Variants in MRPL34 observed in about 807,000 individuals in gnomAD.
MRPL34 encodes large ribosomal subunit protein bL34m.
In MRPL34, 8 loss-of-function variants were observed where a neutral mutation model predicts 6.7. The observed-to-expected ratio is 1.20, with a 90% CI of 0.70 to 2.16. MRPL34 has a LOEUF of 2.16. Ranked by LOEUF, MRPL34 falls within the 30% of genes most tolerant of loss-of-function variation. The pLI is 0.00. For synonymous variants in MRPL34, 59 were observed against 55.1 expected, an observed-to-expected ratio of 1.07 and a Z score of -0.31; for missense variants, 146 against 125.5, an observed-to-expected ratio of 1.16 and a Z score of -0.78.
At chr19:17,305,744 C>A, upstream of MRPL34, 3 of 815,510 alleles carry the variant, frequency 3.7e-6, no homozygotes, top group Non-Finnish European at 4.1e-6. Context: ...GTTGCGCAGG[C>A]GCAGAACTAC....
At chr19:17,300,151 G>T (rs895728355), upstream of MRPL34, among the ~76,000 whole-genome samples, 1 of 150,744 alleles carries the variant, frequency 6.6e-6, no homozygotes, top group Non-Finnish European at 1.5e-5. Flanking sequence ...TGATCCGCCC[G>T]CCTCAGCCTC....
At chr19:17,303,721 A>G (rs943336935), upstream of MRPL34, among the ~76,000 whole-genome samples, 1 of 152,082 alleles carries the variant, frequency 6.6e-6, no homozygotes, top group East Asian at 1.9e-4. Flanking sequence ...CTTGCCCCCC[A>G]GCCCCTGCCT....
chr19:17,293,737 A>G (rs1391927636), intron 1 of MRPL34, among the ~76,000 whole-genome samples: 4 of 149,518 alleles, frequency 2.7e-5, no homozygotes, highest in African/African-American at 9.9e-5. Context: ...TCTGTCGCCC[A>G]GGCTGGAGTG....
upstream of MRPL34, among the ~76,000 whole-genome samples, chr19:17,301,776 T>TTGTG (rs10679164): frequency 0.24 from 35,141 of 147,256 alleles, 4,393 homozygotes; most frequent in African/African-American, 0.33. Context: ...ATTTTTTTGT[T>TTGTG]TGTGTGTGTG....
In MRPL34 at chr19:17,305,879, G is replaced by T. The variant is rs377747440; in HGVS notation, c.-14G>T. 2.5e-6 allele frequency: 4 copies of T among 1,613,776 alleles called. No homozygotes were observed. Among genetic ancestry groups the T allele is most frequent in the African/African-American group, 2.7e-5 (2 of 74,930 alleles). Reference sequence around the variant, plus strand: ...GAATCGCCCGCAGCCGGTACTGCGGGACCCACTGCGGATATGGCTGTCTTG... The same window carrying T: ...GAATCGCCCGCAGCCGGTACTGCGGTACCCACTGCGGATATGGCTGTCTTG... On this transcript the variant is annotated 5_prime_UTR_variant, in exon 1 of 2. Transcript: ENST00000252602.
At chr19:17,304,948 G>A (rs2074138673), upstream of MRPL34, among the ~76,000 whole-genome samples, 1 of 152,134 alleles carries the variant, frequency 6.6e-6, no homozygotes, top group Non-Finnish European at 1.5e-5. Context: ...TCCCCAGGCT[G>A]GTCTCAAACT....
upstream of MRPL34, chr19:17,302,310 A>G (rs1174398849): frequency 1.3e-5 from 2 of 152,374 alleles, no homozygotes; most frequent in Admixed American, 1.3e-4. Context: ...TATACCATTT[A>G]TGGCCTCCTA....
upstream of MRPL34, among the ~76,000 whole-genome samples, chr19:17,299,240 C>CCA (rs149212694): frequency 6.8e-6 from 1 of 147,918 alleles, no homozygotes; most frequent in African/African-American, 2.5e-5. Context: ...TGAGACCCCC[C>CCA]CCCCATTCTC....
At chr19:17,305,752 T>G (rs559769587), upstream of MRPL34, 1 of 887,634 alleles carries the variant, frequency 1.1e-6, no homozygotes, top group South Asian at 1.4e-5. Context: ...GGCGCAGAAC[T>G]ACAACTTCAG....
At chr19:17,295,962 T>C (rs1304315916) in intron 1 of MRPL34, among the ~76,000 whole-genome samples, 1 of 151,872 alleles carries the variant, frequency 6.6e-6, no homozygotes, top group African/African-American at 2.4e-5. Context: ...CCTCTGGCCT[T>C]AACCTCCCAA....
chr19:17,300,465 C>T (rs573172687), upstream of MRPL34, among the ~76,000 whole-genome samples: 168 of 152,008 alleles, frequency 1.1e-3, no homozygotes, highest in Middle Eastern at 6.8e-3. Flanking sequence ...CCTTGGCCCC[C>T]GAAAGCACTG....
chr19:17,301,776 T>TGTGTGTG (rs2074120652), upstream of MRPL34, among the ~76,000 whole-genome samples: 8 of 147,354 alleles, frequency 5.4e-5, no homozygotes, highest in Non-Finnish European at 8.9e-5. Flanking sequence ...ATTTTTTTGT[T>TGTGTGTG]TGTGTGTGTG....
chr19:17,301,620 G>GT, upstream of MRPL34: 1 of 1,539,986 alleles, frequency 6.5e-7, no homozygotes. Context: ...TCAGCATGGT[G>GT]TGTCCTGTGA....
chr19:17,294,511 G>A (rs915796204), intron 1 of MRPL34: 5 of 1,613,742 alleles, frequency 3.1e-6, no homozygotes, highest in Non-Finnish European at 4.2e-6. Context: ...GGCCCTGGTG[G>A]TGGTGGAGGC....
At chr19:17,300,705 C>T (rs2074113336), upstream of MRPL34, 5 of 1,033,074 alleles carry the variant, frequency 4.8e-6, no homozygotes, top group South Asian at 8.3e-5. Context: ...CCCGAACTCC[C>T]AACCTCAGGT....
upstream of MRPL34, chr19:17,303,105 A>G (rs1301289508): frequency 6.6e-6 from 1 of 152,156 alleles, no homozygotes; most frequent in African/African-American, 2.4e-5. Context: ...GGTGTTCGTC[A>G]TCCCTGCAGC....
At position 17,306,721 on chromosome 19, in the gene MRPL34, AATGT is replaced by A; in HGVS notation, c.*345_*348del. ...ATTATTTCTTCTGTAAATATTTCAG[AATGT>A]ATCTCTCCAAGATGAGAGCTCATTA... On this transcript the variant is annotated 3_prime_UTR_variant, in exon 2 of 2. Transcript: ENST00000252602. 1 of 190,950 alleles carries A rather than the reference AATGT, an allele frequency of 5.2e-6. No individual in the cohort carries two copies. The highest frequency in any genetic ancestry group is 1.1e-5 in the Non-Finnish European group (1 of 93,466). The allele number at this position is 190,950 out of a possible 1,614,324, so 11.8% of individuals were successfully genotyped here.
Position 17,305,877 on chromosome 19 carries a change from G to C in MRPL34, c.-16G>C. 1 of 1,613,790 alleles carries C rather than the reference G, an allele frequency of 6.2e-7. No individual in the cohort carries two copies. Among genetic ancestry groups the C allele is most frequent in the Non-Finnish European group, 8.5e-7 (1 of 1,179,776 alleles). ...CGGAATCGCCCGCAGCCGGTACTGC[G>C]GGACCCACTGCGGATATGGCTGTCT... On this transcript the variant is annotated 5_prime_UTR_variant, in exon 1 of 2. Transcript: ENST00000252602.
At position 17,306,537 on chromosome 19, in the gene MRPL34, C is replaced by A; in HGVS notation, c.*158C>A. ...AAGTCTGGATGGGAGCTTGCCAAGT[C>A]CCTTTTTAGGCTTTTTAATTAGGAA... On this transcript the variant is annotated 3_prime_UTR_variant, in exon 2 of 2. Coordinates refer to ENST00000252602, the MANE Select transcript of MRPL34 (RefSeq NM_023937.4). The A allele has an allele frequency of 1.5e-6, 1 of 654,046 alleles. No individual in the cohort carries two copies. Among genetic ancestry groups the A allele is most frequent in the East Asian group, 2.9e-5 (1 of 34,076 alleles). The allele number at this position is 654,046 out of a possible 1,614,324, so 40.5% of individuals were successfully genotyped here.
Sources: allele counts gnomAD v4.1 joint callset (sites outside exome capture counted in the v4.1 genomes callset), GRCh38; gene constraint gnomAD v4.1.1; transcripts MANE v1.5; gene names NCBI Gene and HGNC (gene_info 2026-07-23, HGNC 2026-07-21).